TMEM178B: variants seen among roughly 807,000 people sequenced by gnomAD.
The protein encoded by TMEM178B is transmembrane protein 178B.
In TMEM178B, 5 loss-of-function variants were observed where a neutral mutation model predicts 31.0. The observed-to-expected ratio is 0.16, with a 90% CI of 0.08 to 0.34. TMEM178B has a LOEUF of 0.34. Ranked by LOEUF, TMEM178B falls within the 10% of genes least tolerant of loss-of-function variation. TMEM178B has a pLI of 1.00. For synonymous variants in TMEM178B, 164 were observed against 164.0 expected (o/e 1.00, Z 0.00); for missense variants, 275 against 400.3 (o/e 0.69, Z 2.67).
chr7:141,120,494 T>C (rs1448595612), intron 1 of TMEM178B, among the ~76,000 whole-genome samples: 1 of 152,236 alleles, frequency 6.6e-6, no homozygotes, highest in African/African-American at 2.4e-5. Flanking sequence ...CTTTTAAATC[T>C]AGTTTTATTT....
intron 1 of TMEM178B, among the ~76,000 whole-genome samples, chr7:141,125,210 A>G (rs1175889719): frequency 1.3e-5 from 2 of 152,244 alleles, no homozygotes; most frequent in African/African-American, 2.4e-5. Context: ...GTGTTAAGAC[A>G]TTAACAAAAA....
intron 2 of TMEM178B, among the ~76,000 whole-genome samples, chr7:141,339,554 A>T (rs1799482016): frequency 6.6e-6 from 1 of 152,274 alleles, no homozygotes; most frequent in Non-Finnish European, 1.5e-5. Flanking sequence ...GAGATTTTTT[A>T]AAACTAGGGA....
rs1278737742 is a variant in TMEM178B, at chr7:141,330,532, C to CT, written c.497-107072dup. On this transcript the variant is annotated intron_variant, in intron 2 of 3. Coordinates refer to ENST00000565468, the MANE Select transcript of TMEM178B (RefSeq NM_001195278.2). ...TCTTTATCCAGTCTATATTGAAGGG[C>CT]TTTTAATTGGAGGGTAATGTGATTA... 5.3e-5 allele frequency among the ~76,000 whole-genome samples: 8 copies of CT among 152,202 alleles called. No homozygotes were observed. In the East Asian group the frequency reaches 1.5e-3, roughly 29 times the overall value.
chr7:141,148,450 C>T (rs191500897), intron 1 of TMEM178B, among the ~76,000 whole-genome samples: 79 of 152,160 alleles, frequency 5.2e-4, no homozygotes, highest in African/African-American at 1.9e-3. Flanking sequence ...GAAGAGTGTG[C>T]AAAGTAGGCA....
At chr7:141,216,839 C>T (rs1797160602) in intron 2 of TMEM178B, among the ~76,000 whole-genome samples, 1 of 151,938 alleles carries the variant, frequency 6.6e-6, no homozygotes, top group Non-Finnish European at 1.5e-5. Flanking sequence ...GTGCGGTGCC[C>T]TGGGGTGCAG....
chr7:141,419,251 A>G (rs1283713706), intron 2 of TMEM178B, among the ~76,000 whole-genome samples: 1 of 152,156 alleles, frequency 6.6e-6, no homozygotes, highest in East Asian at 1.9e-4. Flanking sequence ...AAAAAGAAAG[A>G]AAAAGAAACC....
intron 2 of TMEM178B, among the ~76,000 whole-genome samples, chr7:141,321,676 C>A (rs910248148): frequency 2.0e-5 from 3 of 152,170 alleles, no homozygotes; most frequent in Non-Finnish European, 4.4e-5. Flanking sequence ...AAGAGGGGAG[C>A]TGCTCATAAT....
At chr7:141,126,517 A>G (rs553057918) in intron 1 of TMEM178B, among the ~76,000 whole-genome samples, 7 of 152,312 alleles carry the variant, frequency 4.6e-5, no homozygotes, top group Non-Finnish European at 7.4e-5. Context: ...GAAATCTGCA[A>G]TGTTACCCTC....
intron 3 of TMEM178B, among the ~76,000 whole-genome samples, chr7:141,458,760 G>T (rs6973469): frequency 2.0e-5 from 3 of 152,180 alleles, no homozygotes; most frequent in Non-Finnish European, 4.4e-5. Context: ...CCTGCAGAGA[G>T]GGTATTATTC....
Position 141,336,247 on chromosome 7 carries a change from C to G in TMEM178B, c.497-101361C>G, listed in dbSNP as rs73169534. On this transcript the variant is annotated intron_variant, in intron 2 of 3. Coordinates refer to ENST00000565468, the MANE Select transcript of TMEM178B (RefSeq NM_001195278.2). The stretch of plus-strand genomic sequence containing the variant: ...TACTTCCAGGCTTCTCTACTCCTGC[C>G]CACGTGTAAACTGCATTCTGGTCCT... Among the ~76,000 whole-genome samples, 988 of 152,266 alleles carry G rather than the reference C, an allele frequency of 6.5e-3. 7 individuals are homozygous for G. The highest frequency in any genetic ancestry group is 0.011 in the Non-Finnish European group (774 of 68,026).
intron 3 of TMEM178B, among the ~76,000 whole-genome samples, chr7:141,442,757 C>T (rs1801685314): frequency 6.6e-6 from 1 of 152,244 alleles, no homozygotes; most frequent in Non-Finnish European, 1.5e-5. Context: ...GCATGCTCTA[C>T]ACTTTACTTA....
At chr7:141,496,627 G>T in the TMEM178B span, among the ~76,000 whole-genome samples, 1 of 118,454 alleles carries the variant, frequency 8.4e-6, no homozygotes, top group South Asian at 2.7e-4. Flanking sequence ...CCGAGATCCC[G>T]CCACTGCACT....
intron 1 of TMEM178B, among the ~76,000 whole-genome samples, chr7:141,204,827 A>G (rs1171598639): frequency 6.6e-6 from 1 of 151,994 alleles, no homozygotes; most frequent in Non-Finnish European, 1.5e-5. Flanking sequence ...ATGGCTTCTG[A>G]CTTTTTTTTA....
At chr7:141,130,726 A>G (rs1448115898) in intron 1 of TMEM178B, among the ~76,000 whole-genome samples, 1 of 152,178 alleles carries the variant, frequency 6.6e-6, no homozygotes, top group Non-Finnish European at 1.5e-5. Context: ...TGATAATAAT[A>G]ATAACTGAGA....
intron 2 of TMEM178B, among the ~76,000 whole-genome samples, chr7:141,279,402 G>C (rs966322847): frequency 1.3e-5 from 2 of 152,206 alleles, no homozygotes; most frequent in African/African-American, 4.8e-5. Context: ...TTTTAGCAAA[G>C]TAATAAGCTG....
At chr7:141,418,646 A>T (rs961141576) in intron 2 of TMEM178B, among the ~76,000 whole-genome samples, 5 of 152,048 alleles carry the variant, frequency 3.3e-5, no homozygotes, top group African/African-American at 1.2e-4. Context: ...TATCCCTTAA[A>T]TGTCGGTATT....
the TMEM178B span, among the ~76,000 whole-genome samples, chr7:141,486,347 C>T: frequency 1.8e-4 from 27 of 152,244 alleles, 1 homozygote; most frequent in African/African-American, 4.8e-4. Context: ...CTGACTTCAT[C>T]GCTAATCAAT....
chr7:141,343,240 T>C (rs1236228711), intron 2 of TMEM178B, among the ~76,000 whole-genome samples: 1 of 152,208 alleles, frequency 6.6e-6, no homozygotes, highest in East Asian at 1.9e-4. Flanking sequence ...GACAAAGCCA[T>C]GCACAGTAAA....
At chr7:141,141,595 G>T (rs1241605192) in intron 1 of TMEM178B, among the ~76,000 whole-genome samples, 2 of 151,998 alleles carry the variant, frequency 1.3e-5, no homozygotes, top group Non-Finnish European at 2.9e-5. Context: ...ATGAGTTCAG[G>T]TGCTATGTTT....
Sources: allele counts gnomAD v4.1 joint callset (sites outside exome capture counted in the v4.1 genomes callset), GRCh38; gene constraint gnomAD v4.1.1; transcripts MANE v1.5; gene names NCBI Gene and HGNC (gene_info 2026-07-23, HGNC 2026-07-21).